PLCL1: variants seen among roughly 807,000 people sequenced by gnomAD.
PLCL1 encodes the protein phospholipase C like 1 (inactive), also known as inactive phospholipase C-like protein 1.
PLCL1 carries 41 observed loss-of-function variants against 84.4 expected under a neutral mutation model. The ratio of observed to expected loss-of-function variants is 0.49; its 90% CI spans 0.38 to 0.63. PLCL1 has a LOEUF of 0.63. PLCL1 is among the 30% of genes least tolerant of loss of function. The pLI, the probability that PLCL1 is intolerant of heterozygous loss-of-function variation, is 0.00. For missense variants in PLCL1, 1,206 were observed against 1,367.8 expected (o/e 0.88, Z 1.87); for synonymous variants, 490 against 488.3 (o/e 1.00, Z -0.05).
At chr2:197,900,281 A>G (rs1444951142) in intron 1 of PLCL1, among the ~76,000 whole-genome samples, 4 of 152,222 alleles carry the variant, frequency 2.6e-5, no homozygotes, top group Admixed American at 6.5e-5. Flanking sequence ...TTACAGAGGA[A>G]ATATTTTAGA....
At chr2:198,121,454 T>C (rs1391260048) in intron 5 of PLCL1, among the ~76,000 whole-genome samples, 3 of 152,040 alleles carry the variant, frequency 2.0e-5, no homozygotes, top group African/African-American at 7.2e-5. Context: ...TGAGGGCTTA[T>C]ATTTAATTCA....
chr2:197,899,168 CAT>C, intron 1 of PLCL1, among the ~76,000 whole-genome samples: 1 of 152,074 alleles, frequency 6.6e-6, no homozygotes, highest in Non-Finnish European at 1.5e-5. Context: ...AATGAGAGCA[CAT>C]AAATAAGAAT....
intron 1 of PLCL1, among the ~76,000 whole-genome samples, chr2:198,021,907 C>T (rs748784878): frequency 7.9e-5 from 12 of 152,148 alleles, no homozygotes; most frequent in Non-Finnish European, 1.5e-4. Flanking sequence ...AGGCCAGCAT[C>T]GTCCTGATAT....
At chr2:197,946,292 C>T (rs2105778764) in intron 1 of PLCL1, among the ~76,000 whole-genome samples, 1 of 152,048 alleles carries the variant, frequency 6.6e-6, no homozygotes, top group South Asian at 2.1e-4. Context: ...CAACTTTTGC[C>T]TGAGGGGAGT....
intron 1 of PLCL1, among the ~76,000 whole-genome samples, chr2:197,946,922 C>T (rs538369827): frequency 1.3e-5 from 2 of 152,140 alleles, no homozygotes; most frequent in East Asian, 3.9e-4. Context: ...TACTGCAGAT[C>T]CCTGTGTACA....
intron 1 of PLCL1, among the ~76,000 whole-genome samples, chr2:197,924,178 AGG>A (rs1688788851): frequency 6.8e-6 from 1 of 147,492 alleles, no homozygotes; most frequent in African/African-American, 2.5e-5. Flanking sequence ...GGAGAGGGAG[AGG>A]GAGAGGCCCC....
intron 1 of PLCL1, among the ~76,000 whole-genome samples, chr2:198,068,277 A>T (rs1178610213): frequency 6.6e-6 from 1 of 152,216 alleles, no homozygotes; most frequent in Non-Finnish European, 1.5e-5. Context: ...GAAATAAATG[A>T]CTTTAACGTT....
chr2:197,838,619 T>C (rs1045082042), intron 1 of PLCL1, among the ~76,000 whole-genome samples: 27 of 152,258 alleles, frequency 1.8e-4, no homozygotes, highest in African/African-American at 6.3e-4. Context: ...TAGGTATTTC[T>C]ATACCATTCT....
In PLCL1 at chr2:197,932,324, TTTG is replaced by T. The variant is rs764044771; in HGVS notation, c.240+126986_240+126988del. Among the ~76,000 whole-genome samples the T allele has an allele frequency of 1.4e-3, 216 of 152,312 alleles. 1 individual carries two copies. The highest frequency in any genetic ancestry group is 3.4e-3 in the Middle Eastern group (1 of 294). Reference sequence around the variant, plus strand: ...TGCACTGAACACAGTTATTTCCCATTTTGAGGTACTTACACTTTTTTGACAACT... The same window carrying T: ...TGCACTGAACACAGTTATTTCCCATTAGGTACTTACACTTTTTTGACAACT... On this transcript the variant is annotated intron_variant, in intron 1 of 5. Coordinates refer to ENST00000428675, the MANE Select transcript of PLCL1 (RefSeq NM_006226.4).
chr2:197,999,522 A>G lies in PLCL1; in HGVS notation c.241-84236A>G, dbSNP rs539780498. ...GAGACTTGCTTGTTTAGTGATATTCATACCTGTAGATGTGAATGTATAGCT... is the reference window on the plus strand; with the variant it reads ...GAGACTTGCTTGTTTAGTGATATTCGTACCTGTAGATGTGAATGTATAGCT... On this transcript the variant is annotated intron_variant, in intron 1 of 5. Coordinates refer to ENST00000428675, the MANE Select transcript of PLCL1 (RefSeq NM_006226.4). Among the ~76,000 whole-genome samples, 4 of 152,330 alleles carry G rather than the reference A, an allele frequency of 2.6e-5. No individual in the cohort carries two copies. In the South Asian group the frequency reaches 6.2e-4, roughly 24 times the overall value.
chr2:197,921,709 C>T (rs1169983464), intron 1 of PLCL1, among the ~76,000 whole-genome samples: 1 of 152,166 alleles, frequency 6.6e-6, no homozygotes, highest in African/African-American at 2.4e-5. Flanking sequence ...GTCTCTCTCA[C>T]CTGACATACA....
At chr2:197,843,632 A>G (rs1687060603) in intron 1 of PLCL1, among the ~76,000 whole-genome samples, 1 of 152,110 alleles carries the variant, frequency 6.6e-6, no homozygotes, top group Non-Finnish European at 1.5e-5. Context: ...TTTTGACTTA[A>G]AGGTCAAGAT....
At chr2:197,878,339 C>T (rs978700852) in intron 1 of PLCL1, among the ~76,000 whole-genome samples, 5 of 152,072 alleles carry the variant, frequency 3.3e-5, no homozygotes, top group Admixed American at 3.3e-4. Flanking sequence ...GCAAGGGTGG[C>T]CTGGTAGCAG....
intron 1 of PLCL1, among the ~76,000 whole-genome samples, chr2:197,824,713 C>CAAA (rs1163183876): frequency 4.3e-4 from 24 of 55,438 alleles, no homozygotes; most frequent in Non-Finnish European, 5.7e-4. Context: ...GACCCTGTCT[C>CAAA]AAAAAAAAAA....
chr2:197,912,553 T>A (rs372691980), intron 1 of PLCL1, among the ~76,000 whole-genome samples: 8 of 150,340 alleles, frequency 5.3e-5, no homozygotes, highest in Admixed American at 4.6e-4. Flanking sequence ...CCAAATGTCC[T>A]ACAATGATAG....
At position 197,856,534 on chromosome 2, in the gene PLCL1, T is replaced by C. The variant is rs530776345; in HGVS notation, c.240+51195T>C. On this transcript the variant is annotated intron_variant, in intron 1 of 5. Coordinates refer to ENST00000428675, the MANE Select transcript of PLCL1 (RefSeq NM_006226.4). The stretch of plus-strand genomic sequence containing the variant: ...TAACAGAATGTTATTGTCAACATTT[T>C]AAATTTATTGTATGTATGCAGTTAC... Among the ~76,000 whole-genome samples the C allele has an allele frequency of 7.2e-5, 11 of 152,346 alleles. No homozygotes were observed. In the South Asian group the frequency reaches 2.3e-3, roughly 32 times the overall value.
Position 198,096,511 on chromosome 2 carries a change from T to G in PLCL1, c.2920-4774T>G, listed in dbSNP as rs1559104111. 2.0e-5 allele frequency among the ~76,000 whole-genome samples: 3 copies of G among 152,198 alleles called. No individual in the cohort carries two copies. The South Asian group carries it at 6.2e-4, about 32-fold the overall frequency. ...ATTTTAAGTTGTTATGAAAAATATT[T>G]GGGTAATATCTTAAATATATCATTC... On this transcript the variant is annotated intron_variant, in intron 3 of 5. Transcript: ENST00000428675.
intron 1 of PLCL1, among the ~76,000 whole-genome samples, chr2:198,041,760 A>G (rs1313134367): frequency 6.6e-6 from 1 of 152,220 alleles, no homozygotes; most frequent in Admixed American, 6.5e-5. Context: ...TCGGATACGA[A>G]CATAGCCATG....
Position 198,146,976 on chromosome 2 carries a change from C to G in PLCL1, c.*14C>G. 6.4e-7 allele frequency: 1 copy of G among 1,570,048 alleles called. No individual in the cohort carries two copies. Among genetic ancestry groups the G allele is most frequent in the Non-Finnish European group, 8.7e-7 (1 of 1,153,544 alleles). ...GGGAAGCTGTGACTCTGGGCATTAT[C>G]GACACGTTCACCCATCTTATCAAGG... On this transcript the variant is annotated 3_prime_UTR_variant, in exon 6 of 6. Transcript: ENST00000428675.
Sources: allele counts gnomAD v4.1 joint callset (sites outside exome capture counted in the v4.1 genomes callset), GRCh38; gene constraint gnomAD v4.1.1; transcripts MANE v1.5; gene names NCBI Gene and HGNC (gene_info 2026-07-23, HGNC 2026-07-21).